The following CAMTA1 variants were observed in gnomAD, a reference collection of about 807,000 sequenced individuals.
The protein encoded by CAMTA1 is calmodulin binding transcription activator 1, also known as calmodulin-binding transcription activator 1.
In CAMTA1, 27 loss-of-function variants were observed where a neutral mutation model predicts 170.9. That is an observed-to-expected ratio of 0.16 (90% confidence interval 0.12 to 0.22). The LOEUF (loss-of-function observed/expected upper bound fraction) is 0.22, where lower values mean the gene tolerates loss of function less well. Among genes scored for constraint, CAMTA1 ranks in the 10% least tolerant of loss-of-function variants. The probability of loss-of-function intolerance (pLI) is 1.00; values close to 1 mark genes in which losing one functional copy is unlikely to be tolerated. For synonymous variants in CAMTA1, 833 were observed against 891.5 expected (o/e 0.93, Z 1.17); for missense variants, 1,619 against 2,217.2 (o/e 0.73, Z 5.42).
intron 3 of CAMTA1, among the ~76,000 whole-genome samples, chr1:6,909,657 CAATGAGGGACT>C (rs940872236): frequency 1.1e-4 from 17 of 152,338 alleles, no homozygotes; most frequent in Admixed American, 3.9e-4. Context: ...TGTGAGTTTG[CAATGAGGGACT>C]AACTGGAGCA....
In CAMTA1 at chr1:7,547,144, C is replaced by T. The variant is rs76167835; in HGVS notation, c.510+79243C>T. On this transcript the variant is annotated intron_variant, in intron 6 of 22. Coordinates refer to ENST00000303635, the MANE Select transcript of CAMTA1 (RefSeq NM_015215.4). The surrounding 1 kb of genome is among the most constrained non-coding windows in gnomAD (Gnocchi z 5.7). Reference sequence around the variant, plus strand: ...GTTTCTGGGTCATTTGATATAAGCCCAATCATTCTTTGAGCACTTCCTTGC... The same window carrying T: ...GTTTCTGGGTCATTTGATATAAGCCTAATCATTCTTTGAGCACTTCCTTGC... Among the ~76,000 whole-genome samples, 3,920 of 152,158 alleles carry T rather than the reference C, an allele frequency of 0.026. 217 individuals are homozygous for T. Among genetic ancestry groups the T allele is most frequent in the East Asian group, 0.23 (1,185 of 5,172 alleles).
intron 5 of CAMTA1, among the ~76,000 whole-genome samples, chr1:7,346,493 G>A (rs1325420418): frequency 6.6e-6 from 1 of 152,128 alleles, no homozygotes; most frequent in Non-Finnish European, 1.5e-5. Flanking sequence ...TTCTTAACTG[G>A]GTGAAATTTT....
In CAMTA1 at chr1:7,083,461, G is replaced by T. The variant is rs573755250; in HGVS notation, c.235-7843G>T. 2.6e-5 allele frequency among the ~76,000 whole-genome samples: 4 copies of T among 152,358 alleles called. No homozygotes were observed. The South Asian group carries it at 8.3e-4, about 32-fold the overall frequency. The stretch of plus-strand genomic sequence containing the variant: ...GTGGGTGGGGGGTCCGGGATATCCT[G>T]TGCAGGGTGTTGGCTTGGCCAGCTG... On this transcript the variant is annotated intron_variant, in intron 3 of 22. Coordinates refer to ENST00000303635, the MANE Select transcript of CAMTA1 (RefSeq NM_015215.4).
At chr1:7,412,667 A>G (rs1415257453) in intron 5 of CAMTA1, among the ~76,000 whole-genome samples, 3 of 152,162 alleles carry the variant, frequency 2.0e-5, no homozygotes, top group East Asian at 1.9e-4. Flanking sequence ...CCTTTGTCAG[A>G]TGAGTAGGTT....
rs773343505 is a variant in CAMTA1 at position 7,737,521 on chromosome 1, C to T, written c.3609C>T (p.Ser1203=). Residue 1203 remains serine, a synonymous_variant, in exon 15 of 23, where the codon AGC becomes AGT. Transcript: ENST00000303635. ...CCCAGTGGCACAGCGAAGCCATCAG[C>T]TCTCCAGAAATACCCAAGGGAGTCA... is the stretch of plus-strand genomic sequence containing the variant. The part of the protein sequence containing the change: ...WMAQWHSEAI[S]SPEIPKGVTV... The T allele has an allele frequency of 3.7e-6, 6 of 1,613,928 alleles. No homozygotes were observed. In the African/African-American group the frequency reaches 6.7e-5, roughly 18 times the overall value.
At chr1:6,964,436 C>T (rs1428972975) in intron 3 of CAMTA1, among the ~76,000 whole-genome samples, 1 of 152,168 alleles carries the variant, frequency 6.6e-6, no homozygotes, top group Non-Finnish European at 1.5e-5. Flanking sequence ...CAGAGGATGT[C>T]ATAGAACTTG....
At chr1:7,494,909 C>T (rs2093801198) in intron 6 of CAMTA1, among the ~76,000 whole-genome samples, 1 of 152,146 alleles carries the variant, frequency 6.6e-6, no homozygotes, top group South Asian at 2.1e-4. Flanking sequence ...CGGCAGTGTC[C>T]TGAGGAAGAG....
rs1226674224 is a variant in CAMTA1 at position 7,333,906 on chromosome 1, G to A, written c.438+84280G>A. On this transcript the variant is annotated intron_variant, in intron 5 of 22. Coordinates refer to ENST00000303635, the MANE Select transcript of CAMTA1 (RefSeq NM_015215.4). This position sits in a 1 kb window ranked among gnomAD's most constrained non-coding sequence, Gnocchi z 4.4. ...TTTTTTATTACTTACATTTATCAAG[G>A]AAAGAGGTGGGGTTGGAAACTGCCA... 2.0e-5 allele frequency among the ~76,000 whole-genome samples: 3 copies of A among 152,112 alleles called. No individual in the cohort carries two copies. The highest frequency in any genetic ancestry group is 2.9e-5 in the Non-Finnish European group (2 of 68,032).
chr1:7,508,734 G>A (rs1468108673), intron 6 of CAMTA1, among the ~76,000 whole-genome samples: 1 of 148,544 alleles, frequency 6.7e-6, no homozygotes, highest in Non-Finnish European at 1.5e-5. Flanking sequence ...TGGAGGGAGG[G>A]AAGGGAGGGA....
In CAMTA1 at chr1:7,455,282, G is replaced by A. The variant is rs1164198239; in HGVS notation, c.439-12548G>A. Reference sequence around the variant, plus strand: ...GCTCCCAGGTGGAAGGCCTGATGCCGCCCTGCTGTCTGCTCTCTTTTGTAG... The same window carrying A: ...GCTCCCAGGTGGAAGGCCTGATGCCACCCTGCTGTCTGCTCTCTTTTGTAG... On this transcript the variant is annotated intron_variant, in intron 5 of 22. Transcript: ENST00000303635. The surrounding 1 kb of genome is among the most constrained non-coding windows in gnomAD (Gnocchi z 5.0). 2.0e-5 allele frequency among the ~76,000 whole-genome samples: 3 copies of A among 152,196 alleles called. No homozygotes were observed. Among genetic ancestry groups the A allele is most frequent in the South Asian group, 2.1e-4 (1 of 4,824 alleles).
rs1273388010 is a variant in CAMTA1, at chr1:7,310,655, CTTT to C, written c.438+61030_438+61032del. Among the ~76,000 whole-genome samples the C allele has an allele frequency of 6.7e-3, 301 of 44,940 alleles. 8 individuals are homozygous for C. Among genetic ancestry groups the C allele is most frequent in the African/African-American group, 0.017 (149 of 8,702 alleles). 29.5% of individuals were successfully genotyped at this position (44,940 alleles called of 152,430 possible). On this transcript the variant is annotated intron_variant, in intron 5 of 22. Coordinates refer to ENST00000303635, the MANE Select transcript of CAMTA1 (RefSeq NM_015215.4). ...TTCTTTCTTTCTTTCTTTTTTCTTT[CTTT>C]CTTTCTTTCTTTCCTTTCTTTCTCT...
chr1:6,982,026 A>T (rs992412126), intron 3 of CAMTA1, among the ~76,000 whole-genome samples: 2 of 152,144 alleles, frequency 1.3e-5, no homozygotes, highest in Non-Finnish European at 2.9e-5. Context: ...TATTTTTTTG[A>T]CATTTAATAC....
intron 1 of CAMTA1, among the ~76,000 whole-genome samples, chr1:6,796,882 G>C (rs1260310346): frequency 1.3e-5 from 2 of 152,190 alleles, no homozygotes. Context: ...TGAATGGTGA[G>C]CCGTAAAAAA....
intron 4 of CAMTA1, among the ~76,000 whole-genome samples, chr1:7,148,183 A>G (rs891531493): frequency 6.6e-6 from 1 of 150,932 alleles, no homozygotes. Flanking sequence ...ATGCACACAC[A>G]TGCTCACATA....
chr1:7,729,114 C>CTTTTTTTTTTTT (rs146252158), intron 11 of CAMTA1, among the ~76,000 whole-genome samples: 2 of 142,280 alleles, frequency 1.4e-5, no homozygotes, highest in African/African-American at 2.6e-5. Context: ...TATGAGGAAT[C>CTTTTTTTTTTTT]TTTTTTTTTC....
At chr1:6,979,562 C>T (rs1462109136) in intron 3 of CAMTA1, among the ~76,000 whole-genome samples, 2 of 152,146 alleles carry the variant, frequency 1.3e-5, no homozygotes, top group African/African-American at 4.8e-5. Flanking sequence ...AAAGGTGTAA[C>T]ATAGTAAACA....
At chr1:7,127,882 G>A (rs914935519) in intron 4 of CAMTA1, among the ~76,000 whole-genome samples, 3 of 152,196 alleles carry the variant, frequency 2.0e-5, no homozygotes, top group African/African-American at 7.2e-5. Context: ...CTTGGCTGGT[G>A]TCCAGGAACT....
Position 7,769,258 on chromosome 1 carries a change from C to T in CAMTA1, c.*2767C>T, listed in dbSNP as rs1168591146. On this transcript the variant is annotated 3_prime_UTR_variant, in exon 23 of 23. Coordinates refer to ENST00000303635, the MANE Select transcript of CAMTA1 (RefSeq NM_015215.4). ...TTTCGAATATAAGATGATAGGTAAG[C>T]GCAGCTTTCTTGGATAATCTGAATT... 2.6e-5 allele frequency: 4 copies of T among 152,738 alleles called. No individual in the cohort carries two copies. The highest frequency in any genetic ancestry group is 6.5e-5 in the Admixed American group (1 of 15,276). The allele number at this position is 152,738 out of a possible 1,614,324, so 9.5% of individuals were successfully genotyped here.
chr1:7,114,144 A>C (rs1344445398), intron 4 of CAMTA1, among the ~76,000 whole-genome samples: 1 of 152,140 alleles, frequency 6.6e-6, no homozygotes, highest in Non-Finnish European at 1.5e-5. Context: ...AGCACCTAAC[A>C]TGTGCCAAGG....
Sources: allele counts gnomAD v4.1 joint callset (sites outside exome capture counted in the v4.1 genomes callset), GRCh38; gene constraint gnomAD v4.1.1; non-coding constraint Gnocchi (gnomAD v3.1); transcripts MANE v1.5; gene names NCBI Gene and HGNC (gene_info 2026-07-23, HGNC 2026-07-21).